Variants in NRG3 observed in about 807,000 individuals in gnomAD.
NRG3 encodes pro-neuregulin-3, membrane-bound isoform.
In NRG3, 31 loss-of-function variants were observed where a neutral mutation model predicts 66.9. The observed-to-expected ratio is 0.46, with a 90% CI of 0.35 to 0.63. The LOEUF is 0.63. NRG3 is among the 20% of genes least tolerant of loss of function. The probability of loss-of-function intolerance (pLI) is 0.00; values close to 1 mark genes in which losing one functional copy is unlikely to be tolerated. For synonymous variants in NRG3, 393 were observed against 359.4 expected, an observed-to-expected ratio of 1.09 and a Z score of -1.06; for missense variants, 910 against 878.9, an observed-to-expected ratio of 1.04 and a Z score of -0.45.
At chr10:82,238,289 A>C (rs923941495) in intron 1 of NRG3, among the ~76,000 whole-genome samples, 5 of 152,202 alleles carry the variant, frequency 3.3e-5, no homozygotes, top group African/African-American at 1.2e-4. Context: ...CCTATAACAC[A>C]GGCAAATATA....
chr10:82,574,383 A>G (rs774877780), intron 2 of NRG3, among the ~76,000 whole-genome samples: 2 of 151,798 alleles, frequency 1.3e-5, no homozygotes, highest in Non-Finnish European at 2.9e-5. Flanking sequence ...AAGGCTGGGA[A>G]GCATAGGGCA....
intron 2 of NRG3, among the ~76,000 whole-genome samples, chr10:82,621,414 G>C (rs2049031630): frequency 6.6e-6 from 1 of 152,196 alleles, no homozygotes; most frequent in Admixed American, 6.5e-5. Context: ...CTTAGCTGCA[G>C]TTTTGACCCT....
intron 1 of NRG3, among the ~76,000 whole-genome samples, chr10:82,295,966 A>G (rs1344641668): frequency 6.6e-6 from 1 of 152,092 alleles, no homozygotes; most frequent in African/African-American, 2.4e-5. Context: ...TAAAATTACT[A>G]TAGTAAGTGC....
intron 1 of NRG3, among the ~76,000 whole-genome samples, chr10:81,980,595 TACA>T: frequency 6.6e-6 from 1 of 152,230 alleles, no homozygotes; most frequent in African/African-American, 2.4e-5. Flanking sequence ...AGACACTATA[TACA>T]AAATGGAATC....
chr10:82,739,992 C>G (rs918234507), intron 3 of NRG3, among the ~76,000 whole-genome samples: 1 of 117,064 alleles, frequency 8.5e-6, no homozygotes, highest in South Asian at 2.9e-4. Flanking sequence ...TGATTTCTTT[C>G]TTTTTCTTTC....
chr10:82,023,989 C>G (rs895975960), intron 1 of NRG3, among the ~76,000 whole-genome samples: 1 of 151,960 alleles, frequency 6.6e-6, no homozygotes, highest in Non-Finnish European at 1.5e-5. Context: ...TTGGGCTTTT[C>G]TTTGATGTGA....
At chr10:82,843,957 G>T (rs2063186948) in intron 3 of NRG3, among the ~76,000 whole-genome samples, 1 of 151,984 alleles carries the variant, frequency 6.6e-6, no homozygotes, top group Non-Finnish European at 1.5e-5. Context: ...AGATTTATAA[G>T]AGTTTGTTGC....
intron 3 of NRG3, among the ~76,000 whole-genome samples, chr10:82,766,698 A>G (rs1437130986): frequency 2.0e-5 from 3 of 152,106 alleles, no homozygotes; most frequent in African/African-American, 7.2e-5. Flanking sequence ...TACATCAAGT[A>G]GTACGCTGAT....
chr10:82,669,248 GTAATAATAATAATAA>G (rs5786560), intron 2 of NRG3, among the ~76,000 whole-genome samples: 61 of 143,024 alleles, frequency 4.3e-4, no homozygotes, highest in Admixed American at 1.6e-3. Flanking sequence ...ATTTATGATG[GTAATAATAATAATAA>G]TAATAATAAT....
intron 2 of NRG3, among the ~76,000 whole-genome samples, chr10:82,522,045 T>C (rs535527587): frequency 3.4e-4 from 50 of 147,490 alleles, no homozygotes; most frequent in African/African-American, 1.1e-3. Flanking sequence ...AAGTCTTTTT[T>C]TTTTTTTTTT....
intron 1 of NRG3, among the ~76,000 whole-genome samples, chr10:82,152,416 G>C (rs2070824176): frequency 6.6e-6 from 1 of 152,162 alleles, no homozygotes; most frequent in African/African-American, 2.4e-5. Flanking sequence ...TCGAGGACCA[G>C]AGAAGTTAAG....
chr10:81,880,116 A>G (rs1044019750), intron 1 of NRG3, among the ~76,000 whole-genome samples: 2 of 152,108 alleles, frequency 1.3e-5, no homozygotes, highest in Non-Finnish European at 2.9e-5. Context: ...GCTTTAATCA[A>G]TTATGCTGTA....
intron 1 of NRG3, among the ~76,000 whole-genome samples, chr10:82,357,813 A>G (rs1345953370): frequency 1.3e-5 from 2 of 152,250 alleles, no homozygotes; most frequent in Non-Finnish European, 2.9e-5. Flanking sequence ...ATAAGCTGGT[A>G]TAATATCCCA....
intron 2 of NRG3, among the ~76,000 whole-genome samples, chr10:82,417,369 A>G (rs1438450603): frequency 1.3e-5 from 2 of 152,210 alleles, no homozygotes; most frequent in Admixed American, 6.5e-5. Context: ...ATACATGGAT[A>G]TAGATTCCAG....
At chr10:82,349,329 A>T (rs2083252072) in intron 1 of NRG3, among the ~76,000 whole-genome samples, 1 of 151,868 alleles carries the variant, frequency 6.6e-6, no homozygotes, top group African/African-American at 2.4e-5. Context: ...CTGCCTTGTG[A>T]GATGTCAGTG....
intron 2 of NRG3, among the ~76,000 whole-genome samples, chr10:82,559,578 G>A (rs1015944104): frequency 4.6e-5 from 7 of 152,148 alleles, no homozygotes; most frequent in African/African-American, 1.2e-4. Context: ...CAGCTGGTAC[G>A]TTTCCTGCAA....
At chr10:82,586,997 A>G (rs1044849982) in intron 2 of NRG3, among the ~76,000 whole-genome samples, 1 of 152,118 alleles carries the variant, frequency 6.6e-6, no homozygotes, top group Admixed American at 6.5e-5. Context: ...CATTAGGACA[A>G]TGTTTCTCAA....
chr10:82,468,741 A>G (rs1007576102), intron 2 of NRG3, among the ~76,000 whole-genome samples: 2 of 152,204 alleles, frequency 1.3e-5, no homozygotes, highest in Non-Finnish European at 2.9e-5. Flanking sequence ...GATCTATTGC[A>G]TCTAATGGAA....
intron 3 of NRG3, among the ~76,000 whole-genome samples, chr10:82,857,627 A>G (rs2063881232): frequency 6.6e-6 from 1 of 152,246 alleles, no homozygotes; most frequent in South Asian, 2.1e-4. Context: ...TATTTTACAT[A>G]TATGGAAGGA....
Sources: allele counts gnomAD v4.1 joint callset (sites outside exome capture counted in the v4.1 genomes callset), GRCh38; gene constraint gnomAD v4.1.1; transcripts MANE v1.5; gene names NCBI Gene and HGNC (gene_info 2026-07-23, HGNC 2026-07-21).